Variants in CCNJL observed in about 807,000 individuals in gnomAD.
The protein encoded by CCNJL is cyclin-J-like protein.
Under a neutral mutation model 33.4 loss-of-function variants are expected in CCNJL, and 33 were observed. The observed-to-expected ratio is 0.99, with a 90% CI of 0.75 to 1.32. The LOEUF (loss-of-function observed/expected upper bound fraction) is 1.32, where lower values mean the gene tolerates loss of function less well. CCNJL is among the 40% of genes most tolerant of loss of function. The pLI is 0.00. For synonymous variants in CCNJL, 227 were observed against 220.9 expected (o/e 1.03, Z -0.24); for missense variants, 512 against 499.7 (o/e 1.02, Z -0.23).
At chr5:160,256,318 A>G (rs1489012559) in intron 4 of CCNJL, among the ~76,000 whole-genome samples, 1 of 152,206 alleles carries the variant, frequency 6.6e-6, no homozygotes, top group Non-Finnish European at 1.5e-5. Context: ...TTCTTTGGTT[A>G]TTATAAGAGA....
rs116812099 is a variant in CCNJL, at chr5:160,282,570, G to C, written c.67-1832C>G. ...GAAAATCACATGTTAATAAAAGACTGTATCCAGAACATACAAAGAACTCTT... is the reference window on the plus strand; with the variant it reads ...GAAAATCACATGTTAATAAAAGACTCTATCCAGAACATACAAAGAACTCTT... On this transcript the variant is annotated intron_variant, in intron 2 of 5. Coordinates refer to ENST00000257536, the MANE Select transcript of CCNJL (RefSeq NM_001308173.3). Among the ~76,000 whole-genome samples the C allele has an allele frequency of 6.4e-3, 981 of 152,128 alleles. 5 individuals carry two copies. Among genetic ancestry groups the C allele is most frequent in the African/African-American group, 0.023 (946 of 41,496 alleles).
chr5:160,279,596 G>A (rs1762138062), intron 3 of CCNJL, among the ~76,000 whole-genome samples: 1 of 152,224 alleles, frequency 6.6e-6, no homozygotes, highest in African/African-American at 2.4e-5. Context: ...ACCTGCTGAG[G>A]GCAGTGGGGG....
chr5:160,255,449 C>T, intron 5 of CCNJL, 100 bp downstream of exon 5: 2 of 1,101,816 alleles, frequency 1.8e-6, no homozygotes, highest in Non-Finnish European at 2.6e-6. Context: ...AGAACCACCA[C>T]AAGTTCCAGA....
intron 2 of CCNJL, among the ~76,000 whole-genome samples, chr5:160,294,249 A>C (rs577410808): frequency 4.6e-5 from 7 of 152,328 alleles, no homozygotes; most frequent in East Asian, 1.9e-4. Flanking sequence ...GGCCCAAGGA[A>C]GCATTTTCCG....
chr5:160,320,320 C>T (rs1234239664), intron 1 of CCNJL, among the ~76,000 whole-genome samples: 6 of 152,146 alleles, frequency 3.9e-5, no homozygotes, highest in Non-Finnish European at 8.8e-5. Flanking sequence ...GCCTTCCTTC[C>T]ATGGGCCTCA....
rs1417178794 is a variant in CCNJL at position 160,249,780 on chromosome 5, A to ATAAAT, written c.*3593_*3597dup. On this transcript the variant is annotated 3_prime_UTR_variant, in exon 6 of 6. Coordinates refer to ENST00000257536, the MANE Select transcript of CCNJL (RefSeq NM_001308173.3). ...CCTGTTTCAAAAAATAAATAAATAA[A>ATAAAT]TAAATAAATAAATAAATAAATAAAT... 8.9e-6 allele frequency: 1 copy of ATAAAT among 111,986 alleles called. No homozygotes were observed. Among genetic ancestry groups the ATAAAT allele is most frequent in the Non-Finnish European group, 1.9e-5 (1 of 51,786 alleles). The allele number at this position is 111,986 out of a possible 1,614,324, so 6.9% of individuals were successfully genotyped here. A position where few individuals can be genotyped will look rare whatever the true frequency, so the allele number is the denominator to read the frequency against.
intron 2 of CCNJL, among the ~76,000 whole-genome samples, chr5:160,288,816 G>A (rs1307878784): frequency 7.3e-6 from 1 of 137,172 alleles, no homozygotes; most frequent in Non-Finnish European, 1.5e-5. Flanking sequence ...GGGCGACAGA[G>A]CGAGACTCTG....
At chr5:160,273,045 G>A (rs1015428555) in intron 3 of CCNJL, among the ~76,000 whole-genome samples, 10 of 152,210 alleles carry the variant, frequency 6.6e-5, no homozygotes, top group Admixed American at 6.5e-5. Context: ...AAGAGGTTCC[G>A]TAACATACTA....
chr5:160,329,188 A>G (rs1485472352), intron 1 of CCNJL, among the ~76,000 whole-genome samples: 4 of 152,156 alleles, frequency 2.6e-5, no homozygotes, highest in African/African-American at 9.7e-5. Flanking sequence ...CCCCTATACT[A>G]GGCCCCAGCA....
At chr5:160,311,648 C>G (rs901652799) in intron 2 of CCNJL, among the ~76,000 whole-genome samples, 13 of 152,270 alleles carry the variant, frequency 8.5e-5, no homozygotes, top group African/African-American at 3.1e-4. Context: ...AGCTCCTTAT[C>G]AGAAAAACCA....
intron 2 of CCNJL, among the ~76,000 whole-genome samples, chr5:160,283,071 T>C (rs1170717688): frequency 7.0e-6 from 1 of 141,930 alleles, no homozygotes; most frequent in Non-Finnish European, 1.5e-5. Context: ...AACTTGTATA[T>C]GAATACTCAC....
At chr5:160,327,001 G>T (rs1763546727) in intron 1 of CCNJL, 6 of 523,286 alleles carry the variant, frequency 1.1e-5, no homozygotes, top group Non-Finnish European at 2.2e-5. Context: ...AGAAATTGTT[G>T]AGATGGATAC....
At chr5:160,295,063 A>G (rs1762711048) in intron 2 of CCNJL, 1 of 152,292 alleles carries the variant, frequency 6.6e-6, no homozygotes, top group African/African-American at 2.4e-5. Flanking sequence ...GGTTTCTCAA[A>G]TGGGTTGCCA....
At position 160,253,129 on chromosome 5, in the gene CCNJL, G is replaced by A. The variant is rs1004866608; in HGVS notation, c.*249C>T. On this transcript the variant is annotated 3_prime_UTR_variant, in exon 6 of 6. Transcript: ENST00000257536. The stretch of plus-strand genomic sequence containing the variant: ...TCACTGGGCCCCTGTGTGGGGGGAC[G>A]GCCACCAAGCCATCCTTTTGTACCC... The A allele has an allele frequency of 5.1e-6, 2 of 393,714 alleles. No individual in the cohort carries two copies. The highest frequency in any genetic ancestry group is 9.0e-6 in the Non-Finnish European group (2 of 221,574). 24.4% of individuals were successfully genotyped at this position (393,714 alleles called of 1,614,324 possible).
intron 4 of CCNJL, 77 bp from the exon 5 acceptor site, chr5:160,255,785 A>G: frequency 7.8e-7 from 1 of 1,287,314 alleles, no homozygotes; most frequent in East Asian, 2.3e-5. Flanking sequence ...GAATGGATGG[A>G]CAAATGAATC....
intron 2 of CCNJL, among the ~76,000 whole-genome samples, chr5:160,291,036 T>TAAAAAAAAAAAAAA (rs1177369719): frequency 5.2e-5 from 3 of 57,538 alleles, no homozygotes; most frequent in East Asian, 4.7e-4. Flanking sequence ...CGTCTTTACT[T>TAAAAAAAAAAAAAA]AAAAAAAAAA....
chr5:160,292,993 T>C (rs1024353170), intron 2 of CCNJL, among the ~76,000 whole-genome samples: 1 of 152,246 alleles, frequency 6.6e-6, no homozygotes, highest in African/African-American at 2.4e-5. Flanking sequence ...TTGCTTAAGA[T>C]CACCCAGTTA....
At chr5:160,336,203 C>T (rs1490483009) in intron 1 of CCNJL, among the ~76,000 whole-genome samples, 1 of 152,242 alleles carries the variant, frequency 6.6e-6, no homozygotes, top group East Asian at 1.9e-4. Context: ...TTGTTGATGA[C>T]AGTCCTCAAA....
Position 160,262,094 on chromosome 5 carries a change from G to A in CCNJL, c.281-2323C>T, listed in dbSNP as rs184260789. 5.3e-5 allele frequency among the ~76,000 whole-genome samples: 8 copies of A among 152,092 alleles called. No individual in the cohort carries two copies. The East Asian group carries it at 5.8e-4, about 11-fold the overall frequency. On this transcript the variant is annotated intron_variant, in intron 3 of 5. Coordinates refer to ENST00000257536, the MANE Select transcript of CCNJL (RefSeq NM_001308173.3). ...TATTTATTTTTTCCAAAGTTGCCCC[G>A]GCTCCCCTGAATCTTGTGCTGAGCC...
Sources: gnomAD v4.1 joint callset for allele counts (sites outside exome capture counted in the v4.1 genomes callset) on GRCh38, gnomAD v4.1.1 for gene constraint, MANE v1.5 for transcripts, NCBI Gene and HGNC (gene_info 2026-07-23, HGNC 2026-07-21) for gene names.